The following ANO5 variants were observed in gnomAD, a reference collection of about 807,000 sequenced individuals.
ANO5 encodes anoctamin-5.
Under a neutral mutation model 121.0 loss-of-function variants are expected in ANO5, and 109 were observed. The ratio of observed to expected loss-of-function variants is 0.90; its 90% CI spans 0.77 to 1.06. The LOEUF is 1.06. Ranked by LOEUF, ANO5 falls within the 50% of genes least tolerant of loss-of-function variation. The pLI, the probability that ANO5 is intolerant of heterozygous loss-of-function variation, is 0.00. For synonymous variants in ANO5, 406 were observed against 359.9 expected, an observed-to-expected ratio of 1.13 and a Z score of -1.45; for missense variants, 1,064 against 1,078.5, an observed-to-expected ratio of 0.99 and a Z score of 0.19.
intron 17 of ANO5, 78 bp from the exon 18 acceptor site, chr11:22,270,234 C>G: frequency 6.4e-7 from 1 of 1,555,676 alleles, no homozygotes; most frequent in Non-Finnish European, 8.8e-7. Context: ...CTGCCAGTTT[C>G]CAGATCTAAC....
At chr11:22,198,958 A>G (rs923417825) in intron 1 of ANO5, among the ~76,000 whole-genome samples, 14 of 152,204 alleles carry the variant, frequency 9.2e-5, no homozygotes, top group Admixed American at 2.0e-4. Flanking sequence ...AATCATGGGT[A>G]AAACCCATTG....
At chr11:22,211,374 G>A in intron 3 of ANO5, 60 bp downstream of exon 3, 2 of 1,513,680 alleles carry the variant, frequency 1.3e-6, no homozygotes, top group South Asian at 1.1e-5. Context: ...TCTTTTTGTA[G>A]TCTGCAATGA....
intron 21 of ANO5, 74 bp downstream of exon 21, chr11:22,276,273 A>C: frequency 7.3e-6 from 9 of 1,233,912 alleles, no homozygotes; most frequent in Non-Finnish European, 1.1e-5. Context: ...GTAACCTCTC[A>C]TCAGAAAGTT....
chr11:22,257,079 T>TTTTG (rs1377881247), intron 13 of ANO5, among the ~76,000 whole-genome samples: 3 of 151,936 alleles, frequency 2.0e-5, no homozygotes, highest in Admixed American at 2.0e-4. Context: ...AGCGTTTTTT[T>TTTTG]TTTGTTTGTT....
chr11:22,235,466 C>CCTTG (rs1554926042), intron 7 of ANO5, among the ~76,000 whole-genome samples: 1 of 151,340 alleles, frequency 6.6e-6, no homozygotes, highest in Non-Finnish European at 1.5e-5. Context: ...ATCAAAAAGT[C>CCTTG]CTTGAATGGT....
Position 22,221,209 on chromosome 11 carries a change from C to A in ANO5, c.293C>A (p.Ala98Glu). The change falls in exon 5 of 22, where the codon GCG becomes GAG. Residue 98 changes from alanine to glutamate, a missense_variant and splice_region_variant. Ala to Glu is a moderately radical substitution (Grantham distance 107, BLOSUM62 -1). Coordinates refer to ENST00000324559, the MANE Select transcript of ANO5 (RefSeq NM_213599.3). ...GTAAAGAAAGACGCAGAGTTAAAGG[C>A]GGTAAGTGCATTATAACAGAAGTGG... ...DDVKKDAELK[A>E]ERRKEFETNL... is the part of the protein sequence containing the mutation. The A allele has an allele frequency of 1.3e-6, 2 of 1,594,692 alleles. No homozygotes were observed. Among genetic ancestry groups the A allele is most frequent in the Non-Finnish European group, 8.6e-7 (1 of 1,163,346 alleles).
At chr11:22,258,208 T>G (rs1854067195) in intron 14 of ANO5, among the ~76,000 whole-genome samples, 1 of 152,236 alleles carries the variant, frequency 6.6e-6, no homozygotes, top group Non-Finnish European at 1.5e-5. Context: ...AAGAGGTTAG[T>G]TAGCATGTTG....
At chr11:22,263,526 A>C (rs540333851) in intron 17 of ANO5, among the ~76,000 whole-genome samples, 1 of 152,320 alleles carries the variant, frequency 6.6e-6, no homozygotes, top group Non-Finnish European at 1.5e-5. Context: ...AATGATGGAG[A>C]CTTTCAGGTC....
chr11:22,251,130 T>C (rs778392567), intron 12 of ANO5, 119 bp downstream of exon 12: 59 of 1,053,202 alleles, frequency 5.6e-5, no homozygotes, highest in Non-Finnish European at 6.5e-5. Flanking sequence ...GATCATTGTG[T>C]CTTTGTTAGC....
intron 12 of ANO5, 21 bp downstream of exon 12, chr11:22,251,032 AGAAACAGC>A (rs1853798669): frequency 6.3e-7 from 1 of 1,595,008 alleles, no homozygotes; most frequent in Admixed American, 1.7e-5. Flanking sequence ...AGTCCCATAA[AGAAACAGC>A]TTTCTTCCTA....
At chr11:22,252,804 A>T (rs112127327) in intron 12 of ANO5, among the ~76,000 whole-genome samples, 1 of 151,866 alleles carries the variant, frequency 6.6e-6, no homozygotes, top group African/African-American at 2.4e-5. Flanking sequence ...TAATGATTTC[A>T]TTTTATTTAT....
intron 18 of ANO5, 69 bp from the exon 19 acceptor site, chr11:22,272,715 A>G (rs1854667333): frequency 7.0e-7 from 1 of 1,431,204 alleles, no homozygotes; most frequent in African/African-American, 1.4e-5. Flanking sequence ...AAGTAGCAGG[A>G]TTTGGGCAGG....
At position 22,279,911 on chromosome 11, in the gene ANO5, CT is replaced by C; in HGVS notation, c.*150del. On this transcript the variant is annotated 3_prime_UTR_variant, in exon 22 of 22. Coordinates refer to ENST00000324559, the MANE Select transcript of ANO5 (RefSeq NM_213599.3). Reference sequence around the variant, plus strand: ...TTTTTAAACTCAAAGTTTTTATACACTTTTATAGAGGCCAACTTTGTGATGT... The same window carrying C: ...TTTTTAAACTCAAAGTTTTTATACACTTTATAGAGGCCAACTTTGTGATGT... 2 of 707,522 alleles carry C rather than the reference CT, an allele frequency of 2.8e-6. No homozygotes were observed. Among genetic ancestry groups the C allele is most frequent in the South Asian group, 3.7e-5 (2 of 53,422 alleles). 43.8% of individuals were successfully genotyped at this position (707,522 alleles called of 1,614,324 possible).
intron 12 of ANO5, among the ~76,000 whole-genome samples, chr11:22,252,214 CTTA>C (rs1853849026): frequency 6.6e-6 from 1 of 151,984 alleles, no homozygotes; most frequent in Non-Finnish European, 1.5e-5. Flanking sequence ...ATCTAGAAAT[CTTA>C]TTAATGGTTT....
intron 14 of ANO5, among the ~76,000 whole-genome samples, 183 bp from the exon 15 acceptor site, chr11:22,259,336 C>G (rs1417301220): frequency 6.6e-6 from 1 of 152,098 alleles, no homozygotes; most frequent in Non-Finnish European, 1.5e-5. Flanking sequence ...ATCTCTAACC[C>G]TTTTACCTTG....
chr11:22,196,689 T>C (rs1404216142), intron 1 of ANO5, among the ~76,000 whole-genome samples: 1 of 152,040 alleles, frequency 6.6e-6, no homozygotes, highest in Non-Finnish European at 1.5e-5. Flanking sequence ...GCCAACATGG[T>C]GAAACCCCAT....
At chr11:22,202,860 T>G (rs539731519) in intron 1 of ANO5, among the ~76,000 whole-genome samples, 11 of 152,284 alleles carry the variant, frequency 7.2e-5, no homozygotes, top group African/African-American at 2.6e-4. Context: ...ATCATTGGAT[T>G]TAGGGCCCAC....
intron 4 of ANO5, among the ~76,000 whole-genome samples, chr11:22,219,660 G>C (rs1329659947): frequency 6.6e-6 from 1 of 151,906 alleles, no homozygotes; most frequent in Non-Finnish European, 1.5e-5. Flanking sequence ...AGATGCTAAC[G>C]CTGTGATGAT....
intron 18 of ANO5, among the ~76,000 whole-genome samples, chr11:22,271,790 C>T (rs572448376): frequency 6.4e-4 from 97 of 152,012 alleles, no homozygotes; most frequent in African/African-American, 2.3e-3. Context: ...TTTTTATGGG[C>T]CACAAAGATT....
Sources: gnomAD v4.1 joint callset for allele counts (sites outside exome capture counted in the v4.1 genomes callset) on GRCh38, gnomAD v4.1.1 for gene constraint, MANE v1.5 for transcripts, NCBI Gene and HGNC (gene_info 2026-07-23, HGNC 2026-07-21) for gene names.